ZC3H3: variants seen among roughly 807,000 people sequenced by gnomAD.
ZC3H3 encodes zinc finger CCCH-type containing 3.
A neutral mutation model predicts 77.3 loss-of-function variants in ZC3H3; 36 were observed. That is an observed-to-expected ratio of 0.47 (90% CI 0.36 to 0.61). The LOEUF is 0.61. Ranked by LOEUF, ZC3H3 falls within the 20% of genes least tolerant of loss-of-function variation. The probability of loss-of-function intolerance (pLI) is 0.00; values close to 1 mark genes in which losing one functional copy is unlikely to be tolerated. For missense variants in ZC3H3, 1,331 were observed against 1,312.2 expected (o/e 1.01, Z -0.22); for synonymous variants, 626 against 555.2 (o/e 1.13, Z -1.79).
intron 9 of ZC3H3, among the ~76,000 whole-genome samples, chr8:143,447,341 G>A (rs929048938): frequency 7.2e-5 from 11 of 152,230 alleles, no homozygotes; most frequent in African/African-American, 2.4e-4. Context: ...CACCTTGGAG[G>A]ACGTGTTCCA....
At position 143,478,820 on chromosome 8, in the gene ZC3H3, A is replaced by G. The variant is rs563262976; in HGVS notation, c.1716-3235T>C. Among the ~76,000 whole-genome samples, 3 of 152,356 alleles carry G rather than the reference A, an allele frequency of 2.0e-5. No homozygotes were observed. In the East Asian group the frequency reaches 5.8e-4, roughly 29 times the overall value. On this transcript the variant is annotated intron_variant, in intron 4 of 11. Transcript: ENST00000262577. ...CCACTGCGCCCAGCCGCCCCTGCTCATTCTCATGGATGAACATGAACAATT... is the reference window on the plus strand; with the variant it reads ...CCACTGCGCCCAGCCGCCCCTGCTCGTTCTCATGGATGAACATGAACAATT...
At chr8:143,466,227 TCA>T (rs1314670377) in intron 8 of ZC3H3, among the ~76,000 whole-genome samples, 5 of 151,902 alleles carry the variant, frequency 3.3e-5, no homozygotes, top group Non-Finnish European at 7.4e-5. Flanking sequence ...TTGGAGCCTC[TCA>T]GGCCATGGGG....
intron 1 of ZC3H3, 117 bp from the exon 2 acceptor site, chr8:143,539,437 CT>C (rs1822936752): frequency 8.9e-7 from 1 of 1,128,444 alleles, no homozygotes; most frequent in African/African-American, 1.6e-5. Context: ...TTCTGAGCCC[CT>C]GCCAGTTTCA....
rs547334870 is a variant in ZC3H3 at position 143,454,097 on chromosome 8, C to G, written c.2307+11620G>C. ...ACTTTTTCTTTTTTTTTTTTTTTTC[C>G]CAGATGGAGTTTCACTCTTGTTGCC... On this transcript the variant is annotated intron_variant, in intron 9 of 11. Coordinates refer to ENST00000262577, the MANE Select transcript of ZC3H3 (RefSeq NM_015117.3). 2.9e-5 allele frequency among the ~76,000 whole-genome samples: 4 copies of G among 139,344 alleles called. No individual in the cohort carries two copies. The East Asian group carries it at 8.0e-4, about 28-fold the overall frequency. 91.4% of individuals were successfully genotyped at this position (139,344 alleles called of 152,430 possible).
intron 5 of ZC3H3, among the ~76,000 whole-genome samples, chr8:143,474,591 C>A (rs752475085): frequency 8.5e-5 from 13 of 152,224 alleles, no homozygotes; most frequent in Non-Finnish European, 1.8e-4. Flanking sequence ...CTCCTCTGAC[C>A]CCCGCAGACC....
At chr8:143,527,338 G>A (rs1472328065) in intron 3 of ZC3H3, among the ~76,000 whole-genome samples, 1 of 152,138 alleles carries the variant, frequency 6.6e-6, no homozygotes. Flanking sequence ...TCAACAAAAG[G>A]AGCAGCCCAA....
At chr8:143,503,340 G>A (rs375583882) in intron 4 of ZC3H3, among the ~76,000 whole-genome samples, 168 of 152,114 alleles carry the variant, frequency 1.1e-3, no homozygotes, top group Middle Eastern at 3.4e-3. Context: ...GATGTCTGGC[G>A]TGTGCCTCAA....
intron 1 of ZC3H3, among the ~76,000 whole-genome samples, chr8:143,540,043 G>A (rs1290975234): frequency 1.3e-5 from 2 of 152,242 alleles, no homozygotes; most frequent in South Asian, 2.1e-4. Context: ...GCCCCCGGGG[G>A]CACAGAAAGC....
chr8:143,506,603 T>C (rs1821704271), intron 4 of ZC3H3, among the ~76,000 whole-genome samples: 2 of 152,236 alleles, frequency 1.3e-5, no homozygotes, highest in Admixed American at 1.3e-4. Context: ...GAGATGCTTA[T>C]AAATCTATTT....
At chr8:143,507,098 G>A (rs1310399461) in intron 4 of ZC3H3, among the ~76,000 whole-genome samples, 1 of 152,230 alleles carries the variant, frequency 6.6e-6, no homozygotes, top group Non-Finnish European at 1.5e-5. Flanking sequence ...CAAAGGAAGG[G>A]GCCAACCTCC....
intron 3 of ZC3H3, among the ~76,000 whole-genome samples, chr8:143,522,614 A>AC (rs991514523): frequency 4.8e-5 from 7 of 145,916 alleles, no homozygotes; most frequent in African/African-American, 7.6e-5. Flanking sequence ...CTTAAAAAAA[A>AC]ACACACACAC....
At position 143,437,949 on chromosome 8, in the gene ZC3H3, G is replaced by A; in HGVS notation, c.*107C>T. 6.8e-7 allele frequency: 1 copy of A among 1,460,990 alleles called. No individual in the cohort carries two copies. The highest frequency in any genetic ancestry group is 9.4e-7 in the Non-Finnish European group (1 of 1,064,960). 90.5% of individuals were successfully genotyped at this position (1,460,990 alleles called of 1,614,324 possible). ...AGCAGTGTCCCTGTGGCCCCCAGGT[G>A]AGGCTTGGTGGCGGGCGGCCCTCCT... On this transcript the variant is annotated 3_prime_UTR_variant, in exon 12 of 12. Coordinates refer to ENST00000262577, the MANE Select transcript of ZC3H3 (RefSeq NM_015117.3).
At chr8:143,514,017 T>C (rs546612919) in intron 3 of ZC3H3, among the ~76,000 whole-genome samples, 95 of 152,310 alleles carry the variant, frequency 6.2e-4, no homozygotes, top group Non-Finnish European at 1.1e-3. Flanking sequence ...AGTTGTCCCC[T>C]GGGGCCACAC....
chr8:143,475,497 G>A lies in ZC3H3; in HGVS notation c.1804C>T (p.Arg602Cys), dbSNP rs759950009. Residue 602 changes from arginine to cysteine, a missense_variant, in exon 5 of 12, where the codon CGC becomes TGC. This residue lies in a region of ZC3H3 where 978 missense variants were observed against 915.5 expected (regional missense o/e 1.07). Coordinates refer to ENST00000262577, the MANE Select transcript of ZC3H3 (RefSeq NM_015117.3). ...GSPWWRSKGY[R>C]CIGGVLYKVS... ...TTGTAGAGGACCCCTCCGATGCAGC[G>A]GTAGCCTTTGCTCCGCCACCAAGGG... 7.4e-6 allele frequency: 12 copies of A among 1,612,768 alleles called. No individual in the cohort carries two copies. Among genetic ancestry groups the A allele is most frequent in the South Asian group, 2.2e-5 (2 of 91,024 alleles).
chr8:143,497,141 A>G (rs1403189067), intron 4 of ZC3H3, among the ~76,000 whole-genome samples: 1 of 152,246 alleles, frequency 6.6e-6, no homozygotes, highest in Non-Finnish European at 1.5e-5. Flanking sequence ...AACTTCTGTA[A>G]AAGTATATCA....
chr8:143,500,339 C>G (rs1236189823), intron 4 of ZC3H3, among the ~76,000 whole-genome samples: 2 of 152,208 alleles, frequency 1.3e-5, no homozygotes, highest in Non-Finnish European at 2.9e-5. Context: ...GCCGGGCACT[C>G]AACAACTGAC....
At position 143,509,083 on chromosome 8, in the gene ZC3H3, C is replaced by T. The variant is rs142972097; in HGVS notation, c.1562-1184G>A. ...GCAAAGAGCCCCTCCCTCAGGCGTT[C>T]CCCCAGCACCATCCAAGCTGCAGCC... On this transcript the variant is annotated intron_variant, in intron 3 of 11. Coordinates refer to ENST00000262577, the MANE Select transcript of ZC3H3 (RefSeq NM_015117.3). 3.9e-3 allele frequency among the ~76,000 whole-genome samples: 597 copies of T among 152,268 alleles called. 4 individuals are homozygous for T. The highest frequency in any genetic ancestry group is 6.8e-3 in the Middle Eastern group (2 of 294).
At position 143,460,461 on chromosome 8, in the gene ZC3H3, G is replaced by T. The variant is rs531329389; in HGVS notation, c.2307+5256C>A. On this transcript the variant is annotated intron_variant, in intron 9 of 11. Coordinates refer to ENST00000262577, the MANE Select transcript of ZC3H3 (RefSeq NM_015117.3). The surrounding 1 kb of genome is among the most constrained non-coding windows in gnomAD (Gnocchi z 4.0). ...GAGAAACGGGAACCCGTGCGCCGTT[G>T]CTGGGAACGTAAAGTGGTTCAGCCA... is the stretch of plus-strand genomic sequence containing the variant. 2.6e-4 allele frequency among the ~76,000 whole-genome samples: 40 copies of T among 152,232 alleles called. No homozygotes were observed. Among genetic ancestry groups the T allele is most frequent in the African/African-American group, 9.6e-4 (40 of 41,544 alleles).
At chr8:143,445,121 C>A (rs897861719) in intron 9 of ZC3H3, among the ~76,000 whole-genome samples, 4 of 152,164 alleles carry the variant, frequency 2.6e-5, no homozygotes, top group African/African-American at 9.7e-5. Context: ...GTGGCTCATG[C>A]CTGTAATCCC....
Sources: gnomAD v4.1 joint callset for allele counts (sites outside exome capture counted in the v4.1 genomes callset) on GRCh38, gnomAD v4.1.1 for gene constraint, gnomAD v4.1.1 regional missense constraint, Gnocchi (gnomAD v3.1) non-coding constraint, MANE v1.5 for transcripts, NCBI Gene and HGNC (gene_info 2026-07-23, HGNC 2026-07-21) for gene names.